SLC9A7: variants seen among roughly 807,000 people sequenced by gnomAD.
The protein encoded by SLC9A7 is solute carrier family 9 member A7.
In SLC9A7, 19 loss-of-function variants were observed where a neutral mutation model predicts 52.6. The observed-to-expected ratio is 0.36, with a 90% CI of 0.25 to 0.53. The LOEUF (loss-of-function observed/expected upper bound fraction) is 0.53. Ranked by LOEUF, SLC9A7 falls within the 20% of genes least tolerant of loss-of-function variation. The probability of loss-of-function intolerance (pLI) is 0.91; values close to 1 mark genes in which losing one functional copy is unlikely to be tolerated. For synonymous variants in SLC9A7, 226 were observed against 252.1 expected (o/e 0.90, Z 0.98); for missense variants, 455 against 597.9 (o/e 0.76, Z 2.49).
At position 46,668,411 on chromosome X, in the gene SLC9A7, C is replaced by G. The variant is rs758426466; in HGVS notation, c.793+1196G>C. Among the ~76,000 whole-genome samples, 11 of 111,282 alleles carry G rather than the reference C, an allele frequency of 9.9e-5. No individual in the cohort carries two copies. In the South Asian group the frequency reaches 4.2e-3, roughly 42 times the overall value. ...CCTATAATCCCAGGTACTCCGGAGGCTGAGGCAGAGGAGGCAGAGGCGGAG... is the reference window on the plus strand; with the variant it reads ...CCTATAATCCCAGGTACTCCGGAGGGTGAGGCAGAGGAGGCAGAGGCGGAG... On this transcript the variant is annotated intron_variant, in intron 5 of 16. Transcript: ENST00000616978.
chrX:46,651,785 G>A (rs1335945634), intron 8 of SLC9A7, among the ~76,000 whole-genome samples: 1 of 103,194 alleles, frequency 9.7e-6, no homozygotes, highest in African/African-American at 3.6e-5. Context: ...CCATGATCAC[G>A]CCTCTGCACT....
chrX:46,682,104 T>A (rs1331674076), intron 2 of SLC9A7, among the ~76,000 whole-genome samples: 1 of 111,757 alleles, frequency 8.9e-6, no homozygotes, highest in African/African-American at 3.3e-5. Flanking sequence ...AGTGGCCCAT[T>A]TCAGCTACAG....
At chrX:46,654,019 T>C in intron 7 of SLC9A7, among the ~76,000 whole-genome samples, 1 of 111,005 alleles carries the variant, frequency 9.0e-6, no homozygotes, top group African/African-American at 3.3e-5. Context: ...CTACATGACA[T>C]TGTGAATGCG....
intron 1 of SLC9A7, among the ~76,000 whole-genome samples, chrX:46,706,624 G>GTC (rs1944609086): frequency 1.0e-5 from 1 of 97,110 alleles, no homozygotes; most frequent in Admixed American, 1.1e-4. Context: ...CCAAGAGTAA[G>GTC]TCTCTCTCCT....
intron 1 of SLC9A7, among the ~76,000 whole-genome samples, chrX:46,738,669 T>C (rs1372047318): frequency 9.6e-6 from 1 of 103,816 alleles, no homozygotes; most frequent in Non-Finnish European, 2.0e-5. Flanking sequence ...ACTCGGGAGG[T>C]TGAGAAAGAA....
At chrX:46,657,706 C>G (rs1943727857) in intron 7 of SLC9A7, among the ~76,000 whole-genome samples, 1 of 111,281 alleles carries the variant, frequency 9.0e-6, no homozygotes, top group South Asian at 3.8e-4. Context: ...AATACAGAAG[C>G]ACCCAGATTC....
intron 1 of SLC9A7, among the ~76,000 whole-genome samples, chrX:46,720,742 T>C (rs770609343): frequency 2.4e-3 from 272 of 111,700 alleles, no homozygotes; most frequent in African/African-American, 8.5e-3. Flanking sequence ...CTGGCATTAT[T>C]GTCCTCCAAG....
chrX:46,722,098 G>T (rs367566631), intron 1 of SLC9A7, among the ~76,000 whole-genome samples: 14 of 110,327 alleles, frequency 1.3e-4, no homozygotes, highest in South Asian at 3.8e-4. Context: ...TGGGTGTGGG[G>T]GTGTGTGTGT....
chrX:46,698,896 G>C (rs1263317761), intron 1 of SLC9A7, among the ~76,000 whole-genome samples: 2 of 111,469 alleles, frequency 1.8e-5, no homozygotes, highest in Admixed American at 9.6e-5. Context: ...CAATACAATA[G>C]AAAATCTGTG....
At chrX:46,749,113 G>T (rs911594549) in intron 1 of SLC9A7, among the ~76,000 whole-genome samples, 9 of 112,069 alleles carry the variant, frequency 8.0e-5, no homozygotes, top group African/African-American at 2.6e-4. Flanking sequence ...ACACACAAAG[G>T]TTTCCTTCTC....
chrX:46,642,172 C>G (rs373739682), intron 12 of SLC9A7, among the ~76,000 whole-genome samples: 58 of 112,337 alleles, frequency 5.2e-4, no homozygotes, highest in African/African-American at 1.7e-3. Flanking sequence ...TTTCTTCCCC[C>G]CAACCCCAAG....
chrX:46,758,981 C>G lies in SLC9A7; in HGVS notation c.49G>C (p.Ala17Pro). The G allele has an allele frequency of 9.8e-7, 1 of 1,023,488 alleles. No individual in the cohort carries two copies. Among genetic ancestry groups the G allele is most frequent in the Non-Finnish European group, 1.2e-6 (1 of 809,580 alleles). 84.3% of individuals were successfully genotyped at this position (1,023,488 alleles called of 1,213,427 possible). Residue 17 changes from alanine (A) to proline (P), a missense_variant, in exon 1 of 17, where the codon GCG (alanine) becomes CCG (proline). Physicochemically the swap from Ala to Pro is conservative, Grantham distance 27. Coordinates refer to ENST00000616978, the MANE Select transcript of SLC9A7 (RefSeq NM_001257291.2). The stretch of plus-strand genomic sequence containing the variant: ...AGCAGCAGCAGCCGCGGCGGCGGCG[C>G]CCCGGTAGCCCGACCCGAGCCAGGG... ...ARPGSGRATG[A>P]PPPRLLLLPL...
intron 1 of SLC9A7, among the ~76,000 whole-genome samples, chrX:46,754,832 GCA>G (rs1556290935): frequency 8.9e-6 from 1 of 112,485 alleles, no homozygotes; most frequent in Non-Finnish European, 1.9e-5. Flanking sequence ...CAATGAACTG[GCA>G]CAGTCTGTTT....
chrX:46,615,202 C>T (rs1040009146), intron 15 of SLC9A7, among the ~76,000 whole-genome samples: 33 of 111,855 alleles, frequency 3.0e-4, no homozygotes, highest in Non-Finnish European at 4.3e-4. Context: ...GCCACCATAC[C>T]CAGCTAATTT....
intron 13 of SLC9A7, among the ~76,000 whole-genome samples, chrX:46,634,426 A>C (rs1227920873): frequency 9.0e-6 from 1 of 111,495 alleles, no homozygotes; most frequent in Non-Finnish European, 1.9e-5. Context: ...AAAGTTTAGA[A>C]GTATTCCATG....
Position 46,679,691 on chromosome X carries a change from T to C in SLC9A7, c.590A>G (p.Tyr197Cys). Reference protein sequence around the residue: ...LLPPIIFHAGYSLKKRHFFRN... With the variant: ...LLPPIIFHAGCSLKKRHFFRN... ...AAAACATCTTACCTTCTTTAAGCTG[T>C]ATCCAGCATGAAAAATAATTGGAGG... The change falls in exon 3 of 17, where the codon TAC becomes TGC. Residue 197 changes from tyrosine (Y) to cysteine (C), a missense_variant. Transcript: ENST00000616978. The C allele has an allele frequency of 8.4e-7, 1 of 1,193,683 alleles. No individual in the cohort carries two copies. The highest frequency in any genetic ancestry group is 1.8e-5 in the South Asian group (1 of 54,946).
chrX:46,730,709 T>TATATATATAA (rs1945024634), intron 1 of SLC9A7, among the ~76,000 whole-genome samples: 1 of 72,534 alleles, frequency 1.4e-5, no homozygotes, highest in African/African-American at 4.8e-5. Context: ...TATATATATA[T>TATATATATAA]AAAATGGATG....
chrX:46,679,528 A>C (rs892275772), intron 3 of SLC9A7, 150 bp downstream of exon 3: 8 of 416,122 alleles, frequency 1.9e-5, no homozygotes, highest in Admixed American at 5.5e-5. Context: ...AACAGAAATG[A>C]ATCATTGATG....
intron 1 of SLC9A7, among the ~76,000 whole-genome samples, chrX:46,736,384 T>TA (rs1006044432): frequency 2.5e-3 from 274 of 111,499 alleles, no homozygotes; most frequent in Non-Finnish European, 3.2e-3. Context: ...AATCATAGTT[T>TA]AAAAAAAAAT....
Sources: gnomAD v4.1 joint callset for allele counts (sites outside exome capture counted in the v4.1 genomes callset) on GRCh38, gnomAD v4.1.1 for gene constraint, MANE v1.5 for transcripts, NCBI Gene and HGNC (gene_info 2026-07-23, HGNC 2026-07-21) for gene names.